The following CTNNA3 variants were observed in gnomAD, a reference collection of about 807,000 sequenced individuals.
CTNNA3 encodes the protein catenin alpha 3.
A neutral mutation model predicts 95.7 loss-of-function variants in CTNNA3; 76 were observed. The ratio of observed to expected loss-of-function variants is 0.79; its 90% CI spans 0.66 to 0.96. The LOEUF (loss-of-function observed/expected upper bound fraction) is 0.96, where lower values mean the gene tolerates loss of function less well. CTNNA3 is among the 40% of genes least tolerant of loss of function. The probability of loss-of-function intolerance (pLI) is 0.00; values close to 1 mark genes in which losing one functional copy is unlikely to be tolerated. For missense variants in CTNNA3, 1,191 were observed against 1,089.8 expected (o/e 1.09, Z -1.31); for synonymous variants, 431 against 374.4 (o/e 1.15, Z -1.74).
chr10:66,292,064 T>C (rs10762049), intron 12 of CTNNA3, among the ~76,000 whole-genome samples: 67,421 of 150,866 alleles, frequency 0.45, 15,796 homozygotes, highest in African/African-American at 0.6. Context: ...ATATAAAACA[T>C]GCATATACAG....
At chr10:67,467,262 A>G (rs1170449250) in intron 5 of CTNNA3, among the ~76,000 whole-genome samples, 4 of 152,228 alleles carry the variant, frequency 2.6e-5, no homozygotes, top group Admixed American at 6.5e-5. Context: ...GAGCATGGCT[A>G]GTTAAGTTTT....
chr10:67,632,606 C>G (rs1839181120), intron 2 of CTNNA3, among the ~76,000 whole-genome samples: 1 of 152,100 alleles, frequency 6.6e-6, no homozygotes, highest in South Asian at 2.1e-4. Context: ...CACCCTGAGC[C>G]AAGTAAAGCA....
chr10:67,200,177 C>A (rs12217850), intron 6 of CTNNA3, among the ~76,000 whole-genome samples: 26,130 of 151,928 alleles, frequency 0.17, 3,419 homozygotes, highest in African/African-American at 0.38. Flanking sequence ...TTTTTCTGTA[C>A]CCTGTATGAG....
At chr10:66,441,832 T>G (rs1448930616) in intron 11 of CTNNA3, among the ~76,000 whole-genome samples, 2 of 152,214 alleles carry the variant, frequency 1.3e-5, no homozygotes, top group African/African-American at 4.8e-5. Flanking sequence ...TTTGCCAGAT[T>G]AGAAATAAGG....
intron 9 of CTNNA3, among the ~76,000 whole-genome samples, chr10:66,697,823 A>T (rs1847819422): frequency 6.6e-6 from 1 of 152,206 alleles, no homozygotes; most frequent in Non-Finnish European, 1.5e-5. Flanking sequence ...TAAGAGAGAT[A>T]TAGTGTATAA....
At chr10:67,273,895 G>T (rs1839081212) in intron 5 of CTNNA3, among the ~76,000 whole-genome samples, 1 of 152,120 alleles carries the variant, frequency 6.6e-6, no homozygotes, top group Admixed American at 6.6e-5. Context: ...TGAGAATAGT[G>T]GTTGTCTAGT....
chr10:66,288,879 G>C (rs2091634011), intron 12 of CTNNA3, among the ~76,000 whole-genome samples: 1 of 152,006 alleles, frequency 6.6e-6, no homozygotes, highest in South Asian at 2.1e-4. Context: ...TTGCAAAATT[G>C]TATTTTAGCT....
intron 9 of CTNNA3, among the ~76,000 whole-genome samples, chr10:66,654,530 G>A (rs1364183559): frequency 1.3e-5 from 2 of 152,028 alleles, no homozygotes; most frequent in Non-Finnish European, 2.9e-5. Context: ...CAGCCATATG[G>A]AAAATAATAT....
At chr10:67,529,637 TATA>T (rs887654688) in intron 4 of CTNNA3, among the ~76,000 whole-genome samples, 1 of 150,880 alleles carries the variant, frequency 6.6e-6, no homozygotes, top group African/African-American at 2.4e-5. Flanking sequence ...AAACTTAAAG[TATA>T]ATAATAATAC....
intron 17 of CTNNA3, among the ~76,000 whole-genome samples, chr10:65,930,559 C>T (rs990217898): frequency 2.0e-5 from 3 of 152,176 alleles, no homozygotes; most frequent in African/African-American, 7.2e-5. Context: ...TTAGCCTGAG[C>T]ATGCATATCC....
At chr10:67,515,639 T>TAGA (rs1839788316) in intron 5 of CTNNA3, among the ~76,000 whole-genome samples, 2 of 152,270 alleles carry the variant, frequency 1.3e-5, no homozygotes, top group African/African-American at 2.4e-5. Context: ...AAATAAGAAA[T>TAGA]AGAATACCAC....
At chr10:66,003,858 AG>A (rs1299871251) in intron 15 of CTNNA3, among the ~76,000 whole-genome samples, 1 of 152,200 alleles carries the variant, frequency 6.6e-6, no homozygotes, top group Non-Finnish European at 1.5e-5. Context: ...ACTGCTGCAT[AG>A]AACTGCACAC....
At chr10:66,393,373 T>G (rs979955331) in intron 11 of CTNNA3, among the ~76,000 whole-genome samples, 3 of 152,082 alleles carry the variant, frequency 2.0e-5, no homozygotes, top group African/African-American at 4.8e-5. Flanking sequence ...AGGATTTACA[T>G]AATAATAATG....
intron 11 of CTNNA3, among the ~76,000 whole-genome samples, chr10:66,409,669 T>A (rs1212252610): frequency 6.6e-6 from 1 of 152,206 alleles, no homozygotes; most frequent in Non-Finnish European, 1.5e-5. Flanking sequence ...GGTCACATTG[T>A]CTTCTAGCTG....
intron 5 of CTNNA3, among the ~76,000 whole-genome samples, chr10:67,233,062 C>T (rs998819656): frequency 9.2e-5 from 14 of 152,190 alleles, no homozygotes; most frequent in South Asian, 8.3e-4. Flanking sequence ...AATAATAATG[C>T]GAGACTTTAA....
At chr10:67,490,608 A>G (rs1742578126) in intron 5 of CTNNA3, among the ~76,000 whole-genome samples, 1 of 152,148 alleles carries the variant, frequency 6.6e-6, no homozygotes, top group Non-Finnish European at 1.5e-5. Flanking sequence ...GATGGGGGAG[A>G]ACCATACTGA....
At chr10:66,552,883 C>A (rs901817224) in intron 10 of CTNNA3, among the ~76,000 whole-genome samples, 1 of 150,942 alleles carries the variant, frequency 6.6e-6, no homozygotes, top group Non-Finnish European at 1.5e-5. Flanking sequence ...AGCCTATTTT[C>A]TTTGATATTT....
At chr10:67,274,430 G>A (rs1434120839) in intron 5 of CTNNA3, among the ~76,000 whole-genome samples, 2 of 152,088 alleles carry the variant, frequency 1.3e-5, no homozygotes, top group African/African-American at 2.4e-5. Context: ...GACCTCAATA[G>A]CATAATCACA....
intron 7 of CTNNA3, among the ~76,000 whole-genome samples, chr10:66,861,909 T>C (rs1252758230): frequency 6.6e-6 from 1 of 152,174 alleles, no homozygotes; most frequent in Non-Finnish European, 1.5e-5. Context: ...GTGTGGGTTA[T>C]TTCTTTAGAA....
Sources: gnomAD v4.1 joint callset for allele counts (sites outside exome capture counted in the v4.1 genomes callset) on GRCh38, gnomAD v4.1.1 for gene constraint, MANE v1.5 for transcripts, NCBI Gene and HGNC (gene_info 2026-07-23, HGNC 2026-07-21) for gene names.